RIMS1: variants seen among roughly 807,000 people sequenced by gnomAD.
RIMS1 encodes the protein regulating synaptic membrane exocytosis protein 1.
A neutral mutation model predicts 214.1 loss-of-function variants in RIMS1; 83 were observed. The observed-to-expected ratio is 0.39, with a 90% CI of 0.32 to 0.47. The LOEUF (loss-of-function observed/expected upper bound fraction) is 0.47, where lower values mean the gene tolerates loss of function less well. Among genes scored for constraint, RIMS1 ranks in the 20% least tolerant of loss-of-function variants. The pLI, the probability that RIMS1 is intolerant of heterozygous loss-of-function variation, is 0.99. For synonymous variants in RIMS1, 793 were observed against 786.8 expected, an observed-to-expected ratio of 1.01 and a Z score of -0.13; for missense variants, 2,050 against 2,161.8, an observed-to-expected ratio of 0.95 and a Z score of 1.03.
At chr6:72,190,549 G>A (rs1457570507) in intron 6 of RIMS1, among the ~76,000 whole-genome samples, 4 of 151,540 alleles carry the variant, frequency 2.6e-5, no homozygotes, top group African/African-American at 9.7e-5. Context: ...TTCATTTGGT[G>A]CCTGCATATG....
intron 29 of RIMS1, among the ~76,000 whole-genome samples, chr6:72,367,097 A>T (rs1235182542): frequency 6.6e-6 from 1 of 152,234 alleles, no homozygotes. Context: ...TGATGTTGCA[A>T]CAGTAGATTT....
intron 4 of RIMS1, among the ~76,000 whole-genome samples, chr6:72,167,589 G>A (rs889272626): frequency 6.6e-6 from 1 of 152,038 alleles, no homozygotes; most frequent in Admixed American, 6.5e-5. Flanking sequence ...TTAAAAATTG[G>A]CTTTCAATTA....
chr6:72,219,446 T>C (rs1263808856), intron 6 of RIMS1, among the ~76,000 whole-genome samples: 1 of 152,256 alleles, frequency 6.6e-6, no homozygotes, highest in East Asian at 1.9e-4. Flanking sequence ...AAAATCTTGA[T>C]TGCGTAGTTA....
At chr6:72,023,593 T>C (rs571224928) in intron 2 of RIMS1, among the ~76,000 whole-genome samples, 3 of 152,104 alleles carry the variant, frequency 2.0e-5, no homozygotes, top group Non-Finnish European at 2.9e-5. Flanking sequence ...TTATTTGAGA[T>C]ATGGGAGACA....
intron 24 of RIMS1, among the ~76,000 whole-genome samples, chr6:72,285,692 T>C (rs1041891724): frequency 2.6e-5 from 4 of 152,204 alleles, no homozygotes; most frequent in African/African-American, 9.6e-5. Flanking sequence ...GAAACAATGT[T>C]TGTATTTTCA....
At chr6:72,274,201 A>G (rs151087216) in intron 22 of RIMS1, 148 bp from the exon 23 acceptor site, 8 of 536,446 alleles carry the variant, frequency 1.5e-5, no homozygotes, top group East Asian at 8.4e-5. Flanking sequence ...TCCAAGGCTT[A>G]TAACAGTGAA....
chr6:72,271,963 G>A (rs2083617143), intron 22 of RIMS1, among the ~76,000 whole-genome samples: 2 of 152,164 alleles, frequency 1.3e-5, no homozygotes, highest in African/African-American at 4.8e-5. Flanking sequence ...TCTGATCACA[G>A]TGAAAGGAGT....
intron 2 of RIMS1, among the ~76,000 whole-genome samples, chr6:72,080,064 G>A (rs1174056632): frequency 4.9e-5 from 5 of 102,206 alleles, no homozygotes; most frequent in Admixed American, 1.4e-4. Context: ...TGGTGAAACC[G>A]TGTCTCTACT....
intron 2 of RIMS1, among the ~76,000 whole-genome samples, chr6:72,073,397 A>G (rs1188165678): frequency 6.6e-6 from 1 of 152,218 alleles, no homozygotes; most frequent in African/African-American, 2.4e-5. Flanking sequence ...ACTCATTGCT[A>G]GCAGAATAAA....
chr6:72,341,886 C>G (rs530306221), intron 29 of RIMS1, among the ~76,000 whole-genome samples: 4 of 151,764 alleles, frequency 2.6e-5, no homozygotes, highest in African/African-American at 9.6e-5. Context: ...AGCATAATAT[C>G]TTTTCTCCAA....
chr6:72,171,939 G>C (rs2047090242), intron 4 of RIMS1, among the ~76,000 whole-genome samples: 1 of 152,046 alleles, frequency 6.6e-6, no homozygotes, highest in Non-Finnish European at 1.5e-5. Context: ...CACTTTCTGA[G>C]CTAAAGTACA....
chr6:71,961,887 T>C (rs923103263), intron 1 of RIMS1, among the ~76,000 whole-genome samples: 1 of 152,284 alleles, frequency 6.6e-6, no homozygotes, highest in East Asian at 1.9e-4. Context: ...GAATGCAGGT[T>C]AGTAAGTAGA....
At chr6:72,121,832 T>C (rs926482296) in intron 4 of RIMS1, among the ~76,000 whole-genome samples, 1 of 151,944 alleles carries the variant, frequency 6.6e-6, no homozygotes, top group African/African-American at 2.4e-5. Flanking sequence ...GTCCTATCAA[T>C]ACCTAGTTTA....
In RIMS1 at chr6:72,108,239, C is replaced by A. The variant is rs912201233; in HGVS notation, c.471+8253C>A. 2.1e-5 allele frequency among the ~76,000 whole-genome samples: 3 copies of A among 145,262 alleles called. No individual in the cohort carries two copies. In the East Asian group the frequency reaches 6.0e-4, roughly 29 times the overall value. ...AGCTGGGACTACAGGTGCCTGCCAC[C>A]ATGCTTGGATAATTTTGTGTGTGTG... is the stretch of plus-strand genomic sequence containing the variant. On this transcript the variant is annotated intron_variant, in intron 4 of 33. Transcript: ENST00000521978.
intron 6 of RIMS1, among the ~76,000 whole-genome samples, chr6:72,187,004 G>C (rs924360379): frequency 6.6e-6 from 1 of 152,082 alleles, no homozygotes; most frequent in East Asian, 1.9e-4. Flanking sequence ...GGTGGCATGC[G>C]CCTGTAGGCT....
intron 26 of RIMS1, chr6:72,296,067 T>C (rs981209053): frequency 6.3e-6 from 1 of 159,494 alleles, no homozygotes; most frequent in African/African-American, 2.4e-5. Flanking sequence ...ATGAGCAAAA[T>C]TAACAGGTAG....
At chr6:71,917,634 G>A (rs1778813543) in intron 1 of RIMS1, among the ~76,000 whole-genome samples, 1 of 152,140 alleles carries the variant, frequency 6.6e-6, no homozygotes, top group Admixed American at 6.6e-5. Context: ...GCCAGCAGAG[G>A]CTGAATCAGG....
At chr6:71,954,881 A>ACACG (rs1184549828) in intron 1 of RIMS1, among the ~76,000 whole-genome samples, 2 of 151,546 alleles carry the variant, frequency 1.3e-5, no homozygotes, top group Non-Finnish European at 2.9e-5. Flanking sequence ...CCACACACAC[A>ACACG]CACACACACA....
intron 2 of RIMS1, among the ~76,000 whole-genome samples, chr6:72,027,268 A>G (rs1816795238): frequency 6.6e-6 from 1 of 152,164 alleles, no homozygotes; most frequent in Non-Finnish European, 1.5e-5. Context: ...CTTGTGGTTC[A>G]TTAGCCTGGA....
Sources: gnomAD v4.1 joint callset for allele counts (sites outside exome capture counted in the v4.1 genomes callset) on GRCh38, gnomAD v4.1.1 for gene constraint, MANE v1.5 for transcripts, NCBI Gene and HGNC (gene_info 2026-07-23, HGNC 2026-07-21) for gene names.